The following HCN1 variants were observed in gnomAD, a reference collection of about 807,000 sequenced individuals.
HCN1 encodes the protein hyperpolarization activated cyclic nucleotide gated potassium channel 1, also known as potassium/sodium hyperpolarization-activated cyclic nucleotide-gated channel 1.
In HCN1, 13 loss-of-function variants were observed where a neutral mutation model predicts 78.9. The ratio of observed to expected loss-of-function variants is 0.16; its 90% CI spans 0.11 to 0.26. The LOEUF (loss-of-function observed/expected upper bound fraction) is 0.26, where lower values mean the gene tolerates loss of function less well. HCN1 is among the 10% of genes least tolerant of loss of function. The probability of loss-of-function intolerance (pLI) is 1.00; values close to 1 mark genes in which losing one functional copy is unlikely to be tolerated. For missense variants in HCN1, 810 were observed against 1,154.3 expected (o/e 0.70, Z 4.32); for synonymous variants, 552 against 455.5 (o/e 1.21, Z -2.70).
In HCN1 at chr5:45,265,189, TAA is replaced by T. The variant is rs34632955; in HGVS notation, c.1783+1898_1783+1899del. On this transcript the variant is annotated intron_variant, in intron 7 of 7. Coordinates refer to ENST00000303230, the MANE Select transcript of HCN1 (RefSeq NM_021072.4). Reference sequence around the variant, plus strand: ...TGGGCAACAGAGCAAGATTCTGTCTTAAAAAAAAAAAAAAATTAACTGCAATA... The same window carrying T: ...TGGGCAACAGAGCAAGATTCTGTCTTAAAAAAAAAAAAATTAACTGCAATA... Among the ~76,000 whole-genome samples the T allele has an allele frequency of 5.8e-3, 811 of 140,338 alleles. 3 individuals carry two copies. Among genetic ancestry groups the T allele is most frequent in the African/African-American group, 0.02 (768 of 38,318 alleles). The allele number at this position is 140,338 out of a possible 152,430, so 92.1% of individuals were successfully genotyped here.
Position 45,695,893 on chromosome 5 carries a change from A to G in HCN1, c.201T>C (p.Gly67=), listed in dbSNP as rs779788281. Residue 67 remains glycine, a synonymous_variant, in exon 1 of 8, where the codon GGT becomes GGC. Transcript: ENST00000303230. ...CCTCGCCGCCGCCGCCGCCGCCGCC[A>G]CCGCCGCCACCGCCGTCCACCTTGA... ...VCFKVDGGGG[G]GGGGGGGEEP... The G allele has an allele frequency of 1.1e-4, 164 of 1,444,832 alleles. No homozygotes were observed. The highest frequency in any genetic ancestry group is 6.9e-4 in the African/African-American group (42 of 60,980). The allele number at this position is 1,444,832 out of a possible 1,614,324, so 89.5% of individuals were successfully genotyped here.
chr5:45,375,690 G>T (rs12517622), intron 4 of HCN1, among the ~76,000 whole-genome samples: 1,553 of 75,078 alleles, frequency 0.021, 40 homozygotes, highest in East Asian at 0.038. Context: ...TTATATATAA[G>T]ATCATATTTT....
rs559731119 is a variant in HCN1, at chr5:45,375,752, T to G, written c.1230+20740A>C. Among the ~76,000 whole-genome samples, 107 of 113,690 alleles carry G rather than the reference T, an allele frequency of 9.4e-4. 1 individual carries two copies. The highest frequency in any genetic ancestry group is 7.9e-4 in the Non-Finnish European group (46 of 58,466). The allele number at this position is 113,690 out of a possible 152,430, so 74.6% of individuals were successfully genotyped here. On this transcript the variant is annotated intron_variant, in intron 4 of 7. Coordinates refer to ENST00000303230, the MANE Select transcript of HCN1 (RefSeq NM_021072.4). ...ATTTTATGATATATCTTATATATAATATCATATTTTATGATATATCTTATA... is the reference window on the plus strand; with the variant it reads ...ATTTTATGATATATCTTATATATAAGATCATATTTTATGATATATCTTATA...
intron 4 of HCN1, among the ~76,000 whole-genome samples, chr5:45,374,105 A>G (rs1311889645): frequency 1.0e-5 from 1 of 99,866 alleles, no homozygotes; most frequent in Non-Finnish European, 1.9e-5. Flanking sequence ...TATAATATAT[A>G]TTATATACAT....
chr5:45,584,676 C>G (rs1420302611), intron 2 of HCN1, among the ~76,000 whole-genome samples: 1 of 152,128 alleles, frequency 6.6e-6, no homozygotes, highest in East Asian at 1.9e-4. Flanking sequence ...ACTGGTTGTT[C>G]CTTTCCATGT....
intron 2 of HCN1, among the ~76,000 whole-genome samples, chr5:45,531,204 G>C (rs1166633814): frequency 6.6e-6 from 1 of 152,076 alleles, no homozygotes; most frequent in Non-Finnish European, 1.5e-5. Context: ...AATAATCCCT[G>C]ATAAATTTTT....
intron 4 of HCN1, among the ~76,000 whole-genome samples, chr5:45,372,415 A>C (rs1275193557): frequency 8.3e-6 from 1 of 120,832 alleles, no homozygotes; most frequent in African/African-American, 3.2e-5. Flanking sequence ...ATAATTATAT[A>C]AATATGTAAA....
At chr5:45,529,539 A>T (rs1742798368) in intron 2 of HCN1, among the ~76,000 whole-genome samples, 1 of 152,132 alleles carries the variant, frequency 6.6e-6, no homozygotes, top group South Asian at 2.1e-4. Context: ...GGAAGGCGTT[A>T]GAAATTAATG....
At chr5:45,306,735 T>C (rs1186721461) in intron 5 of HCN1, among the ~76,000 whole-genome samples, 1 of 152,114 alleles carries the variant, frequency 6.6e-6, no homozygotes, top group African/African-American at 2.4e-5. Flanking sequence ...AAACACACTG[T>C]TACTATCTCT....
chr5:45,374,030 A>C (rs1311630855), intron 4 of HCN1, among the ~76,000 whole-genome samples: 2 of 73,746 alleles, frequency 2.7e-5, no homozygotes, highest in Admixed American at 3.5e-4. Context: ...TATATATATT[A>C]TATACATAAT....
At chr5:45,487,648 T>A (rs1256119001) in intron 2 of HCN1, among the ~76,000 whole-genome samples, 1 of 152,120 alleles carries the variant, frequency 6.6e-6, no homozygotes, top group Admixed American at 6.6e-5. Flanking sequence ...CTGATTTTTT[T>A]CCAATTGAGA....
chr5:45,256,691 C>T lies in HCN1; in HGVS notation c.*5230G>A, dbSNP rs1056645546. 2.0e-5 allele frequency: 3 copies of T among 152,086 alleles called. No individual in the cohort carries two copies. The highest frequency in any genetic ancestry group is 4.4e-5 in the Non-Finnish European group (3 of 68,030). The allele number at this position is 152,086 out of a possible 1,614,324, so 9.4% of individuals were successfully genotyped here. Reference sequence around the variant, plus strand: ...ACTACAGGAATACACCACCTATAGTCGGGTTTTCTAAACACTGCAGGTATG... The same window carrying T: ...ACTACAGGAATACACCACCTATAGTTGGGTTTTCTAAACACTGCAGGTATG... On this transcript the variant is annotated 3_prime_UTR_variant, in exon 8 of 8. Transcript: ENST00000303230.
chr5:45,316,515 G>T (rs935934637), intron 5 of HCN1, among the ~76,000 whole-genome samples: 1 of 152,258 alleles, frequency 6.6e-6, no homozygotes, highest in Non-Finnish European at 1.5e-5. Flanking sequence ...AGACAGGGAT[G>T]CCCTCTCTCA....
chr5:45,307,254 C>T (rs1745754964), intron 5 of HCN1, among the ~76,000 whole-genome samples: 1 of 152,096 alleles, frequency 6.6e-6, no homozygotes, highest in African/African-American at 2.4e-5. Context: ...CATAAGCTTT[C>T]TGTTTAAATT....
At chr5:45,695,634 G>A (rs1390577211) in intron 1 of HCN1, 35 bp downstream of exon 1, 17 of 1,602,026 alleles carry the variant, frequency 1.1e-5, no homozygotes, top group Admixed American at 3.4e-5. Flanking sequence ...GGGCGCGCCT[G>A]AAGGGAGGGT....
At chr5:45,488,972 C>T (rs769968377) in intron 2 of HCN1, among the ~76,000 whole-genome samples, 1 of 152,154 alleles carries the variant, frequency 6.6e-6, no homozygotes, top group Admixed American at 6.6e-5. Flanking sequence ...CTGAATAAAA[C>T]AGTTGCTGAA....
At chr5:45,434,472 A>C (rs1740524368) in intron 3 of HCN1, among the ~76,000 whole-genome samples, 1 of 152,224 alleles carries the variant, frequency 6.6e-6, no homozygotes, top group Non-Finnish European at 1.5e-5. Flanking sequence ...GTGGAACTAA[A>C]GAACACTAAG....
chr5:45,667,765 A>G (rs965890413), intron 1 of HCN1, among the ~76,000 whole-genome samples: 1 of 151,982 alleles, frequency 6.6e-6, no homozygotes, highest in Non-Finnish European at 1.5e-5. Context: ...TTATGTTTCA[A>G]CTTGGTTGTC....
At chr5:45,643,509 T>C (rs1745493222) in intron 2 of HCN1, 1 of 152,096 alleles carries the variant, frequency 6.6e-6, no homozygotes, top group African/African-American at 2.4e-5. Context: ...ATCTATAAAA[T>C]GGTAGAATAT....
Sources: gnomAD v4.1 joint callset for allele counts (sites outside exome capture counted in the v4.1 genomes callset) on GRCh38, gnomAD v4.1.1 for gene constraint, MANE v1.5 for transcripts, NCBI Gene and HGNC (gene_info 2026-07-23, HGNC 2026-07-21) for gene names.